Variants in NELL1 observed in about 807,000 individuals in gnomAD.
NELL1 encodes protein kinase C-binding protein NELL1.
A neutral mutation model predicts 107.4 loss-of-function variants in NELL1; 76 were observed. The observed-to-expected ratio is 0.71, with a 90% confidence interval of 0.59 to 0.86. The LOEUF (loss-of-function observed/expected upper bound fraction) is 0.86. Ranked by LOEUF, NELL1 falls within the 40% of genes least tolerant of loss-of-function variation. The probability of loss-of-function intolerance (pLI) is 0.00; values close to 1 mark genes in which losing one functional copy is unlikely to be tolerated. For missense variants in NELL1, 1,024 were observed against 1,005.5 expected (o/e 1.02, Z -0.25); for synonymous variants, 353 against 341.2 (o/e 1.03, Z -0.38).
chr11:21,491,607 A>G (rs1430769577), intron 15 of NELL1, among the ~76,000 whole-genome samples: 3 of 152,192 alleles, frequency 2.0e-5, no homozygotes, highest in Non-Finnish European at 4.4e-5. Flanking sequence ...GTAGCTTTGT[A>G]GTATAGTTTG....
intron 15 of NELL1, among the ~76,000 whole-genome samples, chr11:21,393,995 G>A (rs1448762743): frequency 1.3e-5 from 2 of 151,574 alleles, no homozygotes; most frequent in African/African-American, 4.8e-5. Context: ...GGGCAGTAGA[G>A]CAGACTGGAT....
At chr11:20,679,353 G>T (rs1443059344) in intron 2 of NELL1, among the ~76,000 whole-genome samples, 1 of 152,112 alleles carries the variant, frequency 6.6e-6, no homozygotes, top group African/African-American at 2.4e-5. Context: ...TGTCTGGCAG[G>T]GTTCTTTTAA....
intron 14 of NELL1, among the ~76,000 whole-genome samples, chr11:21,360,212 A>C (rs1316248668): frequency 1.3e-5 from 2 of 152,156 alleles, no homozygotes; most frequent in African/African-American, 4.8e-5. Flanking sequence ...CAACTCAAAA[A>C]AAATTTAAAT....
chr11:21,436,509 TTTTA>T (rs1442137992), intron 15 of NELL1, among the ~76,000 whole-genome samples: 2 of 152,186 alleles, frequency 1.3e-5, no homozygotes, highest in Non-Finnish European at 2.9e-5. Context: ...TCATTTCTGA[TTTTA>T]TTTATTTGGG....
At position 21,474,961 on chromosome 11, in the gene NELL1, G is replaced by A. The variant is rs184208838; in HGVS notation, c.1646-59413G>A. On this transcript the variant is annotated intron_variant, in intron 15 of 19. Coordinates refer to ENST00000357134, the MANE Select transcript of NELL1 (RefSeq NM_006157.5). The stretch of plus-strand genomic sequence containing the variant: ...TGCATCGCTTATCTTAGTTCAATGC[G>A]TATCAGAACTGGAAGGCATCTTAGA... Among the ~76,000 whole-genome samples, 82 of 152,146 alleles carry A rather than the reference G, an allele frequency of 5.4e-4. No homozygotes were observed. The East Asian group carries it at 6.0e-3, about 11-fold the overall frequency.
chr11:21,375,400 G>A (rs969788933), intron 15 of NELL1, among the ~76,000 whole-genome samples: 1 of 151,990 alleles, frequency 6.6e-6, no homozygotes, highest in African/African-American at 2.4e-5. Flanking sequence ...TTTTATTACT[G>A]TTTAGTATTC....
intron 2 of NELL1, among the ~76,000 whole-genome samples, chr11:20,691,950 C>T (rs1384377272): frequency 6.6e-6 from 1 of 152,068 alleles, no homozygotes; most frequent in Admixed American, 6.6e-5. Flanking sequence ...TGATTATTGC[C>T]ACAATTTCAG....
intron 15 of NELL1, among the ~76,000 whole-genome samples, chr11:21,522,714 A>G (rs1855756613): frequency 6.6e-6 from 1 of 152,166 alleles, no homozygotes; most frequent in Admixed American, 6.5e-5. Context: ...ATTTATACAA[A>G]GAAAATTTTC....
intron 2 of NELL1, among the ~76,000 whole-genome samples, chr11:20,706,606 C>G (rs1479315785): frequency 6.6e-6 from 1 of 151,614 alleles, no homozygotes; most frequent in Non-Finnish European, 1.5e-5. Context: ...ACCAACATGG[C>G]ACATGTATAC....
At chr11:21,018,874 A>G (rs1852632008) in intron 12 of NELL1, among the ~76,000 whole-genome samples, 1 of 152,136 alleles carries the variant, frequency 6.6e-6, no homozygotes, top group Admixed American at 6.6e-5. Context: ...TCTCATCTGC[A>G]GAGGCTGCTT....
At chr11:20,966,581 G>A (rs954408276) in intron 12 of NELL1, among the ~76,000 whole-genome samples, 1 of 151,894 alleles carries the variant, frequency 6.6e-6, no homozygotes, top group Non-Finnish European at 1.5e-5. Flanking sequence ...CTCACTAATG[G>A]AGAGATCTTC....
At chr11:20,935,347 T>C (rs1850701711) in intron 9 of NELL1, among the ~76,000 whole-genome samples, 1 of 152,048 alleles carries the variant, frequency 6.6e-6, no homozygotes, top group Non-Finnish European at 1.5e-5. Flanking sequence ...CATGGGTGTA[T>C]AGGGTGGGAG....
intron 15 of NELL1, among the ~76,000 whole-genome samples, chr11:21,512,355 G>A (rs1475670118): frequency 6.6e-6 from 1 of 152,146 alleles, no homozygotes; most frequent in Admixed American, 6.5e-5. Context: ...ACACTCAGAA[G>A]TCACATTATA....
chr11:21,510,712 T>A (rs1170286279), intron 15 of NELL1, among the ~76,000 whole-genome samples: 1 of 152,136 alleles, frequency 6.6e-6, no homozygotes, highest in Non-Finnish European at 1.5e-5. Context: ...GAGTTCCTTA[T>A]CCACCACTGA....
At chr11:20,989,662 C>G (rs1019729776) in intron 12 of NELL1, among the ~76,000 whole-genome samples, 7 of 152,122 alleles carry the variant, frequency 4.6e-5, no homozygotes, top group African/African-American at 1.7e-4. Context: ...ACATCATAGG[C>G]AGATTCCATA....
chr11:21,305,144 C>G (rs1187966696), intron 14 of NELL1, among the ~76,000 whole-genome samples: 1 of 151,912 alleles, frequency 6.6e-6, no homozygotes, highest in Non-Finnish European at 1.5e-5. Context: ...TTCTAAGAAA[C>G]AACCCTTGAG....
chr11:20,795,586 G>A (rs1394032757), intron 3 of NELL1, among the ~76,000 whole-genome samples: 1 of 152,244 alleles, frequency 6.6e-6, no homozygotes, highest in Middle Eastern at 3.4e-3. Flanking sequence ...TGAACACTCT[G>A]CCAGTATATG....
intron 14 of NELL1, among the ~76,000 whole-genome samples, chr11:21,334,284 G>T (rs1850337214): frequency 6.6e-6 from 1 of 151,932 alleles, no homozygotes; most frequent in Admixed American, 6.6e-5. Flanking sequence ...TTGGTAAAGA[G>T]AAAGACAGTA....
At chr11:20,823,786 A>G (rs72942539) in intron 3 of NELL1, among the ~76,000 whole-genome samples, 3 of 150,914 alleles carry the variant, frequency 2.0e-5, no homozygotes, top group African/African-American at 7.3e-5. Flanking sequence ...CAGCCACCCA[A>G]CCAGTGGTGG....
Sources: allele counts gnomAD v4.1 joint callset (sites outside exome capture counted in the v4.1 genomes callset), GRCh38; gene constraint gnomAD v4.1.1; transcripts MANE v1.5; gene names NCBI Gene and HGNC (gene_info 2026-07-23, HGNC 2026-07-21).